Variants in CSMD1 observed in about 807,000 individuals in gnomAD.
CSMD1 encodes the protein CUB and Sushi multiple domains 1.
A neutral mutation model predicts 417.5 loss-of-function variants in CSMD1; 213 were observed. The observed-to-expected ratio is 0.51, with a 90% confidence interval of 0.46 to 0.57. The LOEUF (loss-of-function observed/expected upper bound fraction) is 0.57. Ranked by LOEUF, CSMD1 falls within the 20% of genes least tolerant of loss-of-function variation. The pLI, the probability that CSMD1 is intolerant of heterozygous loss-of-function variation, is 0.00. For synonymous variants in CSMD1, 2,862 were observed against 1,736.8 expected, an observed-to-expected ratio of 1.65 and a Z score of -16.11; for missense variants, 6,923 against 4,529.7, an observed-to-expected ratio of 1.53 and a Z score of -15.17.
intron 11 of CSMD1, among the ~76,000 whole-genome samples, chr8:3,473,334 GAC>G (rs1817215971): frequency 6.6e-6 from 1 of 152,076 alleles, no homozygotes; most frequent in Non-Finnish European, 1.5e-5. Flanking sequence ...CCTGCTATGT[GAC>G]AGTTATATTT....
At chr8:3,953,474 G>C (rs2407191) in intron 5 of CSMD1, among the ~76,000 whole-genome samples, 113,652 of 152,046 alleles carry the variant, frequency 0.75, 42,949 homozygotes, top group African/African-American at 0.85. Context: ...CACACACAGA[G>C]AGAGGTGTAT....
intron 1 of CSMD1, among the ~76,000 whole-genome samples, chr8:4,939,243 G>C (rs532243459): frequency 0.011 from 1,670 of 152,164 alleles, 27 homozygotes; most frequent in African/African-American, 0.038. Flanking sequence ...AAATTATATC[G>C]AGATTCCTCA....
chr8:4,361,826 G>GC (rs1801784118), intron 3 of CSMD1, among the ~76,000 whole-genome samples: 1 of 152,166 alleles, frequency 6.6e-6, no homozygotes, highest in South Asian at 2.1e-4. Context: ...GTGGTGCGGG[G>GC]CGCCTGTACT....
intron 2 of CSMD1, among the ~76,000 whole-genome samples, chr8:4,440,344 A>C (rs1437968835): frequency 2.0e-5 from 3 of 152,206 alleles, no homozygotes; most frequent in African/African-American, 7.2e-5. Flanking sequence ...CATGTAAATA[A>C]ATCATTACAT....
intron 3 of CSMD1, among the ~76,000 whole-genome samples, chr8:4,098,110 G>A (rs893796741): frequency 6.6e-6 from 1 of 152,150 alleles, no homozygotes; most frequent in Non-Finnish European, 1.5e-5. Flanking sequence ...GCTGAATTAA[G>A]ATGATCTTTC....
intron 3 of CSMD1, among the ~76,000 whole-genome samples, chr8:4,237,860 C>G (rs1210004977): frequency 6.6e-6 from 1 of 151,980 alleles, no homozygotes; most frequent in Non-Finnish European, 1.5e-5. Flanking sequence ...TTATTTTTTT[C>G]TGGACAATGC....
chr8:3,083,608 TTTTATATATATATATA>T (rs1205321926), intron 49 of CSMD1, among the ~76,000 whole-genome samples: 1,373 of 44,638 alleles, frequency 0.031, 74 homozygotes, highest in Non-Finnish European at 0.041. Flanking sequence ...TTACCATAAT[TTTTATATATATATATA>T]TATATATATA....
chr8:3,200,523 C>A (rs1319556387), intron 32 of CSMD1, among the ~76,000 whole-genome samples: 1 of 151,366 alleles, frequency 6.6e-6, no homozygotes, highest in African/African-American at 2.4e-5. Context: ...CCACTGCACT[C>A]TAGCCTGGGC....
At chr8:3,744,144 G>A (rs761128283) in intron 6 of CSMD1, among the ~76,000 whole-genome samples, 11 of 152,244 alleles carry the variant, frequency 7.2e-5, no homozygotes, top group Middle Eastern at 3.4e-3. Context: ...GACTTGTCTC[G>A]TCACTTTTCT....
intron 12 of CSMD1, among the ~76,000 whole-genome samples, chr8:3,437,380 C>A (rs7821524): frequency 0.77 from 116,663 of 151,814 alleles, 45,070 homozygotes; most frequent in East Asian, 0.85. Flanking sequence ...CATATAAAAC[C>A]CTCTTTGGCA....
At chr8:4,253,058 G>A (rs940920450) in intron 3 of CSMD1, among the ~76,000 whole-genome samples, 2 of 152,226 alleles carry the variant, frequency 1.3e-5, no homozygotes, top group African/African-American at 2.4e-5. Context: ...GTCTTACGAT[G>A]AGACTACAAG....
At chr8:3,839,028 T>C (rs1176777050) in intron 5 of CSMD1, among the ~76,000 whole-genome samples, 2 of 128,218 alleles carry the variant, frequency 1.6e-5, no homozygotes, top group Admixed American at 9.3e-5. Context: ...GTTGATATTA[T>C]ATATATTTAT....
At chr8:3,185,378 T>C (rs187010691) in intron 36 of CSMD1, among the ~76,000 whole-genome samples, 15 of 152,304 alleles carry the variant, frequency 9.8e-5, no homozygotes, top group Admixed American at 7.2e-4. Context: ...TCACTATTAT[T>C]AGTAAGGCAT....
At chr8:3,717,351 A>C (rs936626960) in intron 6 of CSMD1, among the ~76,000 whole-genome samples, 1 of 152,240 alleles carries the variant, frequency 6.6e-6, no homozygotes, top group African/African-American at 2.4e-5. Context: ...ACATCTATTA[A>C]TATTAGTCCC....
chr8:3,868,454 C>T (rs1024274681), intron 5 of CSMD1, among the ~76,000 whole-genome samples: 6 of 152,152 alleles, frequency 3.9e-5, no homozygotes, highest in Non-Finnish European at 8.8e-5. Context: ...CCCATGCCAC[C>T]TGCATCAGCC....
intron 3 of CSMD1, among the ~76,000 whole-genome samples, chr8:4,232,899 G>T (rs901635906): frequency 2.0e-5 from 3 of 152,082 alleles, no homozygotes; most frequent in Non-Finnish European, 4.4e-5. Context: ...GGAGGAAAAG[G>T]ATATTGAAAT....
intron 5 of CSMD1, among the ~76,000 whole-genome samples, chr8:3,889,725 T>C (rs11783699): frequency 0.53 from 80,188 of 151,206 alleles, 24,064 homozygotes; most frequent in Admixed American, 0.67. Context: ...ATGGATTTTG[T>C]GAAACAGACT....
chr8:2,942,259 A>C (rs1209721061), intron 69 of CSMD1, among the ~76,000 whole-genome samples: 1 of 152,112 alleles, frequency 6.6e-6, no homozygotes, highest in Non-Finnish European at 1.5e-5. Flanking sequence ...TCCATGCAGC[A>C]GACCACCCCG....
At chr8:3,310,819 C>G (rs1206935707) in intron 23 of CSMD1, among the ~76,000 whole-genome samples, 9 of 82,060 alleles carry the variant, frequency 1.1e-4, no homozygotes, top group Admixed American at 7.5e-4. Flanking sequence ...AGGTATCCAC[C>G]TTAACAAACC....
Sources: allele counts gnomAD v4.1 joint callset (sites outside exome capture counted in the v4.1 genomes callset), GRCh38; gene constraint gnomAD v4.1.1; transcripts MANE v1.5; gene names NCBI Gene and HGNC (gene_info 2026-07-23, HGNC 2026-07-21).